The following KIAA1755 variants were observed in gnomAD, a reference collection of about 807,000 sequenced individuals.
KIAA1755 encodes the protein KIAA1755, also known as uncharacterized protein KIAA1755.
A neutral mutation model predicts 91.7 loss-of-function variants in KIAA1755; 68 were observed. The observed-to-expected ratio is 0.74, with a 90% confidence interval of 0.61 to 0.91. The LOEUF (loss-of-function observed/expected upper bound fraction) is 0.91. KIAA1755 is among the 40% of genes least tolerant of loss of function. KIAA1755 has a pLI of 0.00. For synonymous variants in KIAA1755, 610 were observed against 604.6 expected, an observed-to-expected ratio of 1.01 and a Z score of -0.13; for missense variants, 1,535 against 1,494.4, an observed-to-expected ratio of 1.03 and a Z score of -0.45.
Position 38,236,481 on chromosome 20 carries a change from G to A in KIAA1755, c.1747+3047C>T, listed in dbSNP as rs146734669. Among the ~76,000 whole-genome samples, 496 of 152,300 alleles carry A rather than the reference G, an allele frequency of 3.3e-3. 3 individuals are homozygous for A. Among genetic ancestry groups the A allele is most frequent in the Middle Eastern group, 0.024 (7 of 294 alleles). On this transcript the variant is annotated intron_variant, in intron 4 of 13. Transcript: ENST00000279024. ...GAAAGGGACCAAGGACTGGGCTTTG[G>A]GGGCCCTCCAGGATTTACAGGTTGT...
In KIAA1755 at chr20:38,214,201, G is replaced by A. The variant is rs573486392; in HGVS notation, c.2902-458C>T. ...CCTGACCTCAGGTGATCCACCCGCCGCAGCCTCCCAAAGTGCTGGGATTAT... is the reference window on the plus strand; with the variant it reads ...CCTGACCTCAGGTGATCCACCCGCCACAGCCTCCCAAAGTGCTGGGATTAT... On this transcript the variant is annotated intron_variant, in intron 13 of 13. Coordinates refer to ENST00000279024, the MANE Select transcript of KIAA1755 (RefSeq NM_001029864.2). 1.1e-4 allele frequency among the ~76,000 whole-genome samples: 16 copies of A among 152,154 alleles called. No homozygotes were observed. In the East Asian group the frequency reaches 1.7e-3, roughly 17 times the overall value.
chr20:38,230,813 G>C (rs1356187856), intron 5 of KIAA1755, among the ~76,000 whole-genome samples: 1 of 151,958 alleles, frequency 6.6e-6, no homozygotes, highest in Admixed American at 6.5e-5. Context: ...GCTTGAACCC[G>C]GGAGGCGGAG....
chr20:38,252,347 A>ACCCCAAT (rs2076264847), intron 1 of KIAA1755, among the ~76,000 whole-genome samples: 2 of 151,930 alleles, frequency 1.3e-5, no homozygotes, highest in African/African-American at 2.4e-5. Flanking sequence ...CACTACTGTC[A>ACCCCAAT]CCCCAATGAT....
intron 6 of KIAA1755, 39 bp from the exon 7 acceptor site, chr20:38,227,279 G>C: frequency 6.7e-7 from 1 of 1,494,832 alleles, no homozygotes; most frequent in Non-Finnish European, 9.3e-7. Context: ...TCTGCCCAAG[G>C]CTTCATGAAG....
rs1369680896 is a variant in KIAA1755, at chr20:38,231,288, C to T, written c.1785G>A (p.Val595=). The change falls in exon 5 of 14, where the codon GTG becomes GTA. Residue 595 remains valine (V), a synonymous_variant. Coordinates refer to ENST00000279024, the MANE Select transcript of KIAA1755 (RefSeq NM_001029864.2). ...CCTCCCAGGCCCCCTCTGTAGTTGA[C>T]ACCAGAAGCAGGGGCCGCCCGGCCC... The part of the protein sequence containing the change: ...RDRAGRPLLL[V]STTEGAWEAP... 6.2e-7 allele frequency: 1 copy of T among 1,612,270 alleles called. No individual in the cohort carries two copies. Among genetic ancestry groups the T allele is most frequent in the South Asian group, 1.1e-5 (1 of 90,704 alleles).
chr20:38,215,670 C>G (rs1018227562), intron 13 of KIAA1755, among the ~76,000 whole-genome samples: 2 of 152,156 alleles, frequency 1.3e-5, no homozygotes, highest in Non-Finnish European at 2.9e-5. Flanking sequence ...GCTGAGGGAA[C>G]AGCACGTGCA....
chr20:38,232,431 C>T (rs1229126172), intron 4 of KIAA1755, among the ~76,000 whole-genome samples: 3 of 151,640 alleles, frequency 2.0e-5, no homozygotes, highest in African/African-American at 7.3e-5. Context: ...TCGACACCAT[C>T]CTGGCTAACA....
intron 1 of KIAA1755, among the ~76,000 whole-genome samples, chr20:38,252,055 C>T (rs996261973): frequency 6.6e-6 from 1 of 152,158 alleles, no homozygotes; most frequent in Admixed American, 6.5e-5. Context: ...TGCATCCTAA[C>T]CTCAGGGAAA....
chr20:38,228,112 A>T, intron 6 of KIAA1755, 35 bp downstream of exon 6: 1 of 1,527,830 alleles, frequency 6.5e-7, no homozygotes. Flanking sequence ...GGCTCCCAGG[A>T]CTTACTAGGC....
At chr20:38,249,270 G>A (rs531183297) in intron 1 of KIAA1755, among the ~76,000 whole-genome samples, 1 of 152,260 alleles carries the variant, frequency 6.6e-6, no homozygotes, top group South Asian at 2.1e-4. Flanking sequence ...TGAGCCTCAC[G>A]GGGGCCCTTC....
At chr20:38,235,378 C>G (rs572734072) in intron 4 of KIAA1755, among the ~76,000 whole-genome samples, 2 of 152,162 alleles carry the variant, frequency 1.3e-5, no homozygotes, top group Non-Finnish European at 2.9e-5. Flanking sequence ...AATATGTTAC[C>G]TTACATGGCA....
intron 2 of KIAA1755, among the ~76,000 whole-genome samples, chr20:38,245,590 G>T (rs1307656370): frequency 1.3e-5 from 2 of 152,206 alleles, no homozygotes; most frequent in Admixed American, 1.3e-4. Flanking sequence ...CACTGAAGCT[G>T]CCTCACTTCA....
In KIAA1755 at chr20:38,239,570, G is replaced by C. The variant is rs750099079; in HGVS notation, c.1705C>G (p.Leu569Val). 1.2e-6 allele frequency: 2 copies of C among 1,613,368 alleles called. No individual in the cohort carries two copies. Among genetic ancestry groups the C allele is most frequent in the East Asian group, 4.5e-5 (2 of 44,850 alleles). The change falls in exon 4 of 14, where the codon CTA becomes GTA. Residue 569 changes from leucine to valine, a missense_variant. Leu to Val is a conservative substitution (Grantham distance 32). Coordinates refer to ENST00000279024, the MANE Select transcript of KIAA1755 (RefSeq NM_001029864.2). ...CTGGAGCGGAAAACCTTGACACCTA[G>C]AGCCCCAATCCTGGGCTCAGGCCCT... ...PPGPEPRIGA[L>V]GVKVFRSRIA...
rs988376367 is a variant in KIAA1755 at position 38,212,557 on chromosome 20, C to T, written c.*485G>A. The T allele has an allele frequency of 1.3e-5, 2 of 155,734 alleles. No homozygotes were observed. Among genetic ancestry groups the T allele is most frequent in the Admixed American group, 6.4e-5 (1 of 15,644 alleles). 9.6% of individuals were successfully genotyped at this position (155,734 alleles called of 1,614,324 possible). On this transcript the variant is annotated 3_prime_UTR_variant, in exon 14 of 14. Transcript: ENST00000279024. ...GGTTCCTGGATCAGCACCAAACACA[C>T]TGATCCTTAAATCCTCATCTCAGGG...
chr20:38,230,054 G>T (rs1378683897), intron 5 of KIAA1755, among the ~76,000 whole-genome samples: 2 of 152,196 alleles, frequency 1.3e-5, no homozygotes, highest in East Asian at 3.9e-4. Flanking sequence ...TCTAGGTTGA[G>T]TTGGGGCTTA....
chr20:38,216,972 C>G (rs2075555186), intron 13 of KIAA1755: 1 of 665,920 alleles, frequency 1.5e-6, no homozygotes, highest in African/African-American at 1.8e-5. Context: ...AATCTCAGCT[C>G]TTCCCCTTCC....
At chr20:38,218,516 A>G (rs919873906) in intron 11 of KIAA1755, 150 bp from the exon 12 acceptor site, 24 of 1,095,430 alleles carry the variant, frequency 2.2e-5, no homozygotes, top group Admixed American at 5.5e-5. Flanking sequence ...AATTCTCCCA[A>G]TTCTGGGCGT....
At chr20:38,254,306 G>T (rs1233049992) in intron 1 of KIAA1755, among the ~76,000 whole-genome samples, 1 of 152,106 alleles carries the variant, frequency 6.6e-6, no homozygotes. Context: ...AGCCAAAATG[G>T]ACAGAGTCCT....
intron 6 of KIAA1755, 118 bp from the exon 7 acceptor site, chr20:38,227,358 G>A: frequency 1.5e-6 from 1 of 654,248 alleles, no homozygotes; most frequent in Non-Finnish European, 2.6e-6. Context: ...AGGACAGAGT[G>A]GGGTCCCTCC....
Sources: allele counts gnomAD v4.1 joint callset (sites outside exome capture counted in the v4.1 genomes callset), GRCh38; gene constraint gnomAD v4.1.1; transcripts MANE v1.5; gene names NCBI Gene and HGNC (gene_info 2026-07-23, HGNC 2026-07-21).